The following PXDNL variants were observed in gnomAD, a reference collection of about 807,000 sequenced individuals.
The protein encoded by PXDNL is probable oxidoreductase PXDNL.
In PXDNL, 145 loss-of-function variants were observed where a neutral mutation model predicts 150.8. The ratio of observed to expected loss-of-function variants is 0.96; its 90% confidence interval spans 0.84 to 1.10. The LOEUF (loss-of-function observed/expected upper bound fraction) is 1.10. Among genes scored for constraint, PXDNL ranks in the 50% least tolerant of loss-of-function variants. The probability of loss-of-function intolerance (pLI) is 0.00; values close to 1 mark genes in which losing one functional copy is unlikely to be tolerated. For synonymous variants in PXDNL, 757 were observed against 725.7 expected (o/e 1.04, Z -0.69); for missense variants, 2,087 against 1,873.9 (o/e 1.11, Z -2.10).
chr8:51,392,311 T>A (rs893611774), intron 17 of PXDNL, among the ~76,000 whole-genome samples: 5 of 152,164 alleles, frequency 3.3e-5, no homozygotes, highest in Admixed American at 3.3e-4. Context: ...TGGCGTTGAA[T>A]CTATAAATTA....
intron 20 of PXDNL, among the ~76,000 whole-genome samples, chr8:51,345,291 G>A (rs530831278): frequency 1.2e-3 from 187 of 152,170 alleles, no homozygotes; most frequent in Non-Finnish European, 2.4e-3. Context: ...ACTTTTTAAG[G>A]CAACACTTTG....
intron 2 of PXDNL, among the ~76,000 whole-genome samples, chr8:51,639,672 A>G (rs1394413379): frequency 6.6e-6 from 1 of 152,206 alleles, no homozygotes; most frequent in African/African-American, 2.4e-5. Flanking sequence ...GAATCTCTGA[A>G]TAGACCAGTA....
chr8:51,732,807 T>C (rs1219637326), intron 1 of PXDNL, among the ~76,000 whole-genome samples: 2 of 151,466 alleles, frequency 1.3e-5, no homozygotes, highest in Non-Finnish European at 3.0e-5. Flanking sequence ...AAGAGACTTG[T>C]CCACTACCAT....
intron 1 of PXDNL, among the ~76,000 whole-genome samples, chr8:51,703,443 A>G (rs1264747278): frequency 2.0e-5 from 3 of 152,208 alleles, no homozygotes; most frequent in Non-Finnish European, 4.4e-5. Context: ...CATTTTTCAT[A>G]TAAACCAGTA....
rs984798421 is a variant in PXDNL at position 51,425,821 on chromosome 8, C to CA, written c.1638+824dup. 6.9e-3 allele frequency among the ~76,000 whole-genome samples: 782 copies of CA among 113,340 alleles called. 6 individuals carry two copies. The highest frequency in any genetic ancestry group is 0.014 in the Middle Eastern group (3 of 210). 74.4% of individuals were successfully genotyped at this position (113,340 alleles called of 152,430 possible). On this transcript the variant is annotated intron_variant, in intron 13 of 22. Coordinates refer to ENST00000356297, the MANE Select transcript of PXDNL (RefSeq NM_144651.5). ...TGGGCGACAAAGCGAGACTCCGTCTCAAAAAAAAAAAACAAAAAAATTCAG... is the reference window on the plus strand; with the variant it reads ...TGGGCGACAAAGCGAGACTCCGTCTCAAAAAAAAAAAAACAAAAAAATTCAG...
intron 1 of PXDNL, chr8:51,722,277 G>T (rs990761465): frequency 6.6e-6 from 1 of 152,512 alleles, no homozygotes; most frequent in African/African-American, 2.4e-5. Context: ...GCCACTATGC[G>T]CACTCCAACC....
chr8:51,761,797 A>G (rs1173132535), intron 1 of PXDNL, among the ~76,000 whole-genome samples: 1 of 152,232 alleles, frequency 6.6e-6, no homozygotes, highest in Non-Finnish European at 1.5e-5. Flanking sequence ...AGAAAATTTC[A>G]CCTTATTTAA....
chr8:51,639,258 T>C (rs1454261626), intron 2 of PXDNL, among the ~76,000 whole-genome samples: 1 of 152,094 alleles, frequency 6.6e-6, no homozygotes, highest in African/African-American at 2.4e-5. Context: ...AAGAAAGATC[T>C]AAAACTGACA....
chr8:51,778,187 G>A (rs567085786), intron 1 of PXDNL, among the ~76,000 whole-genome samples: 2 of 152,024 alleles, frequency 1.3e-5, no homozygotes, highest in Admixed American at 6.5e-5. Context: ...GCTGAGGCAG[G>A]AGAATGGTGT....
chr8:51,558,554 G>A (rs1443244912), intron 3 of PXDNL, among the ~76,000 whole-genome samples: 1 of 152,016 alleles, frequency 6.6e-6, no homozygotes, highest in Non-Finnish European at 1.5e-5. Context: ...TTTAAATAAT[G>A]AGGAGTTGTT....
At chr8:51,352,151 C>T (rs1459762944) in intron 19 of PXDNL, among the ~76,000 whole-genome samples, 12 of 151,760 alleles carry the variant, frequency 7.9e-5, no homozygotes, top group Admixed American at 7.9e-4. Flanking sequence ...AAGATAATTC[C>T]CACCATAAAA....
intron 17 of PXDNL, 149 bp downstream of exon 17, chr8:51,407,918 T>C (rs947495981): frequency 3.0e-6 from 2 of 658,226 alleles, no homozygotes; most frequent in African/African-American, 1.8e-5. Flanking sequence ...GGTGAATCCT[T>C]CCTTTAATAT....
At chr8:51,646,746 A>G (rs1203254124) in intron 2 of PXDNL, among the ~76,000 whole-genome samples, 2 of 152,128 alleles carry the variant, frequency 1.3e-5, no homozygotes, top group Admixed American at 6.5e-5. Context: ...AAAGGAAGAC[A>G]TGTTACAGAA....
chr8:51,644,406 A>ATATGTATATATATACATG (rs764867335), intron 2 of PXDNL, among the ~76,000 whole-genome samples: 1 of 23,378 alleles, frequency 4.3e-5, no homozygotes, highest in East Asian at 3.5e-3. Flanking sequence ...ATATATACAC[A>ATATGTATATATATACATG]TGTGTGTGTA....
intron 17 of PXDNL, among the ~76,000 whole-genome samples, chr8:51,384,338 T>C (rs1807635137): frequency 6.6e-6 from 1 of 151,032 alleles, no homozygotes; most frequent in African/African-American, 2.4e-5. Context: ...TGGTACAAAA[T>C]AATCTTATGG....
chr8:51,501,737 C>T (rs970642385), intron 4 of PXDNL, among the ~76,000 whole-genome samples: 6 of 152,218 alleles, frequency 3.9e-5, no homozygotes, highest in African/African-American at 1.4e-4. Context: ...CACACTCACA[C>T]ACTGTCCCCC....
chr8:51,445,949 C>T (rs906757491), intron 12 of PXDNL, among the ~76,000 whole-genome samples: 1 of 151,404 alleles, frequency 6.6e-6, no homozygotes, highest in Non-Finnish European at 1.5e-5. Context: ...ATCTTCCCTA[C>T]AATCCTTTTT....
chr8:51,471,101 C>A (rs1810319938), intron 8 of PXDNL, among the ~76,000 whole-genome samples: 3 of 135,840 alleles, frequency 2.2e-5, no homozygotes, highest in African/African-American at 5.5e-5. Flanking sequence ...TGACAAAGGG[C>A]TAATATCCAG....
chr8:51,702,095 T>G (rs187552309), intron 1 of PXDNL, among the ~76,000 whole-genome samples: 2 of 152,328 alleles, frequency 1.3e-5, no homozygotes, highest in African/African-American at 4.8e-5. Flanking sequence ...AAACAACTTA[T>G]TCTGGTTTTT....
Sources: gnomAD v4.1 joint callset for allele counts (sites outside exome capture counted in the v4.1 genomes callset) on GRCh38, gnomAD v4.1.1 for gene constraint, MANE v1.5 for transcripts, NCBI Gene and HGNC (gene_info 2026-07-23, HGNC 2026-07-21) for gene names.